The following SLC66A2 variants were observed in gnomAD, a reference collection of about 807,000 sequenced individuals.
SLC66A2 encodes the protein PQ loop repeat containing 1.
Under a neutral mutation model 25.5 loss-of-function variants are expected in SLC66A2, and 23 were observed. That is an observed-to-expected ratio of 0.90 (90% CI 0.65 to 1.28). SLC66A2 has a LOEUF of 1.28. Among genes scored for constraint, SLC66A2 ranks in the 50% most tolerant of loss-of-function variants. SLC66A2 has a pLI of 0.00. For synonymous variants in SLC66A2, 193 were observed against 166.5 expected, an observed-to-expected ratio of 1.16 and a Z score of -1.23; for missense variants, 396 against 373.1, an observed-to-expected ratio of 1.06 and a Z score of -0.51.
chr18:79,908,435 T>A (rs1178679100), intron 5 of SLC66A2, among the ~76,000 whole-genome samples: 1 of 152,184 alleles, frequency 6.6e-6, no homozygotes, highest in Non-Finnish European at 1.5e-5. Context: ...CCCATAGTAA[T>A]TTGGATCCTT....
At chr18:79,923,204 G>GGGGCT (rs1985480575) in intron 4 of SLC66A2, among the ~76,000 whole-genome samples, 2 of 140,492 alleles carry the variant, frequency 1.4e-5, no homozygotes, top group African/African-American at 5.3e-5. Flanking sequence ...TATGGACAGG[G>GGGGCT]GGGCTGTGGA....
intron 5 of SLC66A2, among the ~76,000 whole-genome samples, chr18:79,911,263 C>T (rs999675293): frequency 1.3e-5 from 2 of 152,252 alleles, no homozygotes; most frequent in South Asian, 2.1e-4. Flanking sequence ...GACATCTTTC[C>T]GTCCCCTTCC....
At chr18:79,942,666 C>T (rs1484508758) in intron 3 of SLC66A2, among the ~76,000 whole-genome samples, 1 of 152,218 alleles carries the variant, frequency 6.6e-6, no homozygotes, top group Admixed American at 6.5e-5. Flanking sequence ...CTCCTGCACA[C>T]AAGAAGCCCG....
chr18:79,904,038 C>A lies in SLC66A2; in HGVS notation c.754G>T (p.Ala252Ser). Residue 252 changes from alanine to serine, a missense_variant, in exon 6 of 6, where the codon GCC becomes TCC. Ala to Ser is a moderately conservative substitution (Grantham distance 99). Transcript: ENST00000397778. The surrounding 1 kb of genome is among the most constrained non-coding windows in gnomAD (Gnocchi z 6.3). ...GGCGCCGGCTTCTGGGGGTGGCGGG[C>A]GAAGGCGTAGGCCTGCCCCAGGATG... ...LAILGQAYAF[A>S]RHPQKPAPHA... 3 of 1,605,294 alleles carry A rather than the reference C, an allele frequency of 1.9e-6. No individual in the cohort carries two copies. Among genetic ancestry groups the A allele is most frequent in the South Asian group, 2.2e-5 (2 of 90,654 alleles).
chr18:79,919,576 G>C (rs1284286359), intron 4 of SLC66A2, among the ~76,000 whole-genome samples, 176 bp from the exon 5 acceptor site: 45 of 31,018 alleles, frequency 1.5e-3, no homozygotes, highest in African/African-American at 2.7e-3. Context: ...GTCAAGGTCA[G>C]TGAGGAGAGA....
rs1281078572 is a variant in SLC66A2, at chr18:79,933,958, A to G, written c.391+11T>C. The G allele has an allele frequency of 6.2e-6, 10 of 1,610,474 alleles. No homozygotes were observed. Among genetic ancestry groups the G allele is most frequent in the Non-Finnish European group, 8.5e-6 (10 of 1,178,420 alleles). ...AACGTGCTGCGGACAGTGCACGCGCAGGGTACATACCCAGGAAGGACCGCC... is the reference window on the plus strand; with the variant it reads ...AACGTGCTGCGGACAGTGCACGCGCGGGGTACATACCCAGGAAGGACCGCC... On this transcript the variant is annotated intron_variant, in intron 4 of 5. Coordinates refer to ENST00000397778, the MANE Select transcript of SLC66A2 (RefSeq NM_025078.5).
Position 79,918,407 on chromosome 18 carries a change from T to C in SLC66A2, c.608+777A>G, listed in dbSNP as rs1599543210. Among the ~76,000 whole-genome samples the C allele has an allele frequency of 1.1e-5, 1 of 89,784 alleles. No homozygotes were observed. The highest frequency in any genetic ancestry group is 3.3e-5 in the African/African-American group (1 of 30,344). The allele number at this position is 89,784 out of a possible 152,430, so 58.9% of individuals were successfully genotyped here. On this transcript the variant is annotated intron_variant, in intron 5 of 5. Transcript: ENST00000397778. This position sits in a 1 kb window ranked among gnomAD's most constrained non-coding sequence, Gnocchi z 4.0. ...CGGGCACCGGGGGGCGGATCCCCAGTGAGGAGCGGGCCCGGGGGGGGGTCC... is the reference window on the plus strand; with the variant it reads ...CGGGCACCGGGGGGCGGATCCCCAGCGAGGAGCGGGCCCGGGGGGGGGTCC...
intron 4 of SLC66A2, among the ~76,000 whole-genome samples, chr18:79,920,400 G>T (rs369880588): frequency 6.3e-4 from 2 of 3,194 alleles, no homozygotes; most frequent in African/African-American, 1.2e-3. Context: ...AGGAACCGAG[G>T]GAGAGGTCAA....
chr18:79,915,968 A>T (rs1983946800), intron 5 of SLC66A2: 1 of 106,876 alleles, frequency 9.4e-6, no homozygotes, highest in Non-Finnish European at 2.0e-5. Context: ...CCAGGGTGCT[A>T]ACTCCCACAG....
In SLC66A2 at chr18:79,918,421, G is replaced by GGGGC. The variant is rs1430394415; in HGVS notation, c.608+762_608+763insGCCC. Among the ~76,000 whole-genome samples, 217 of 43,918 alleles carry GGGGC rather than the reference G, an allele frequency of 4.9e-3. 6 individuals are homozygous for GGGGC. Among genetic ancestry groups the GGGGC allele is most frequent in the African/African-American group, 9.0e-3 (209 of 23,208 alleles). 28.8% of individuals were successfully genotyped at this position (43,918 alleles called of 152,430 possible). ...CGGATCCCCAGTGAGGAGCGGGCCC[G>GGGGC]GGGGGGGGTCCCCAGTGAGGAGCGG... is the stretch of plus-strand genomic sequence containing the variant. On this transcript the variant is annotated intron_variant, in intron 5 of 5. Transcript: ENST00000397778. This position sits in a 1 kb window ranked among gnomAD's most constrained non-coding sequence, Gnocchi z 4.0.
chr18:79,926,379 G>A (rs1272244259), intron 4 of SLC66A2, among the ~76,000 whole-genome samples: 1 of 152,182 alleles, frequency 6.6e-6, no homozygotes, highest in African/African-American at 2.4e-5. Flanking sequence ...GACAGAGAAT[G>A]CCAGAGAGCT....
intron 4 of SLC66A2, among the ~76,000 whole-genome samples, chr18:79,928,346 T>C (rs547665459): frequency 6.6e-5 from 10 of 152,334 alleles, no homozygotes; most frequent in African/African-American, 2.2e-4. Context: ...TTACTCAATG[T>C]AGCCATTGAA....
At chr18:79,916,847 CAG>C (rs913300017) in intron 5 of SLC66A2, among the ~76,000 whole-genome samples, 6 of 152,260 alleles carry the variant, frequency 3.9e-5, no homozygotes, top group African/African-American at 1.4e-4. Flanking sequence ...AGCAAGCTGA[CAG>C]AGCCCAAGGA....
rs1247636052 is a variant in SLC66A2, at chr18:79,927,641, C to T, written c.391+6328G>A. Among the ~76,000 whole-genome samples, 2 of 152,092 alleles carry T rather than the reference C, an allele frequency of 1.3e-5. No individual in the cohort carries two copies. Among genetic ancestry groups the T allele is most frequent in the Admixed American group, 1.3e-4 (2 of 15,282 alleles). On this transcript the variant is annotated intron_variant, in intron 4 of 5. Coordinates refer to ENST00000397778, the MANE Select transcript of SLC66A2 (RefSeq NM_025078.5). The surrounding 1 kb of genome is among the most constrained non-coding windows in gnomAD (Gnocchi z 6.2). Reference sequence around the variant, plus strand: ...CGCAGAGAGACCCACATCAGAGACCCTCGGGGAGTGACAGAGCCCCCGCCC... The same window carrying T: ...CGCAGAGAGACCCACATCAGAGACCTTCGGGGAGTGACAGAGCCCCCGCCC...
At chr18:79,943,696 C>CACCCAG in intron 2 of SLC66A2, 1 of 478,216 alleles carries the variant, frequency 2.1e-6, no homozygotes, top group Non-Finnish European at 3.7e-6. Flanking sequence ...CATGCCGCCT[C>CACCCAG]TCCTGGTCCC....
At chr18:79,930,500 T>TA (rs1241063213) in intron 4 of SLC66A2, among the ~76,000 whole-genome samples, 12 of 151,972 alleles carry the variant, frequency 7.9e-5, no homozygotes, top group East Asian at 1.9e-4. Flanking sequence ...CAAATCCACA[T>TA]AAAAAAAGAG....
chr18:79,946,742 T>A (rs1048287623), intron 2 of SLC66A2, among the ~76,000 whole-genome samples: 1 of 152,084 alleles, frequency 6.6e-6, no homozygotes, highest in Non-Finnish European at 1.5e-5. Flanking sequence ...CCAAGGCAGG[T>A]GGATCACGAG....
intron 4 of SLC66A2, among the ~76,000 whole-genome samples, chr18:79,924,407 C>T (rs977630553): frequency 3.3e-5 from 5 of 152,144 alleles, no homozygotes; most frequent in Admixed American, 1.3e-4. Context: ...GACGAGCCGC[C>T]GTCGGGGCTG....
At position 79,904,211 on chromosome 18, in the gene SLC66A2, G is replaced by A. The variant is rs191193482; in HGVS notation, c.609-28C>T. 3.9e-4 allele frequency: 631 copies of A among 1,605,890 alleles called. No homozygotes were observed. The African/African-American group carries it at 6.0e-3, about 15-fold the overall frequency. On this transcript the variant is annotated intron_variant, in intron 5 of 5. Transcript: ENST00000397778. The surrounding 1 kb of genome is among the most constrained non-coding windows in gnomAD (Gnocchi z 6.3). The stretch of plus-strand genomic sequence containing the variant: ...GTGGAGACACAAGCAGGCGGTCAGC[G>A]GTGGGGAGGGCGGCGACCTGGGCTC...
Sources: allele counts gnomAD v4.1 joint callset (sites outside exome capture counted in the v4.1 genomes callset), GRCh38; gene constraint gnomAD v4.1.1; non-coding constraint Gnocchi (gnomAD v3.1); transcripts MANE v1.5; gene names NCBI Gene and HGNC (gene_info 2026-07-23, HGNC 2026-07-21).